The following CDKN2B-AS1 variants were observed in gnomAD, a reference collection of about 807,000 sequenced individuals.
CDKN2B-AS1 encodes the protein CDKN2B and CDKN2A antisense cis and trans regulatory RNA 1.
chr9:22,084,856 G>A (rs1024179975), intron 4 of CDKN2B-AS1, among the ~76,000 whole-genome samples: 1 of 152,118 alleles, frequency 6.6e-6, no homozygotes, highest in African/African-American at 2.4e-5. Context: ...TAAAGAAATT[G>A]CATTCTTTTC....
At chr9:22,073,224 G>T (rs1824367170) in intron 4 of CDKN2B-AS1, among the ~76,000 whole-genome samples, 1 of 152,122 alleles carries the variant, frequency 6.6e-6, no homozygotes, top group South Asian at 2.1e-4. Context: ...CTTGAAAATA[G>T]ATGGCTATTG....
intron 1 of CDKN2B-AS1, among the ~76,000 whole-genome samples, chr9:22,020,443 G>A (rs1821967765): frequency 6.6e-6 from 1 of 152,134 alleles, no homozygotes; most frequent in Non-Finnish European, 1.5e-5. Context: ...GGTCTTTGAG[G>A]AATCATCGCA....
At chr9:22,120,199 G>A (rs1356548437) in intron 4 of CDKN2B-AS1, 1 of 152,196 alleles carries the variant, frequency 6.6e-6, no homozygotes, top group Non-Finnish European at 1.5e-5. Flanking sequence ...GTTCTTCCCA[G>A]TATCTTACAG....
intron 4 of CDKN2B-AS1, among the ~76,000 whole-genome samples, chr9:22,125,852 C>A (rs1818010797): frequency 6.6e-6 from 1 of 152,044 alleles, no homozygotes; most frequent in Non-Finnish European, 1.5e-5. Flanking sequence ...TATATAACAA[C>A]TGAAAAAATA....
At chr9:22,024,703 GC>G (rs1822160232) in intron 1 of CDKN2B-AS1, among the ~76,000 whole-genome samples, 1 of 152,218 alleles carries the variant, frequency 6.6e-6, no homozygotes, top group Non-Finnish European at 1.5e-5. Context: ...TGCTAGTGGG[GC>G]AACTAAAGCA....
At chr9:22,043,249 T>G (rs1822971085) in intron 1 of CDKN2B-AS1, among the ~76,000 whole-genome samples, 1 of 152,080 alleles carries the variant, frequency 6.6e-6, no homozygotes, top group African/African-American at 2.4e-5. Flanking sequence ...ATTTGAGAGT[T>G]TTTTTCTCCA....
chr9:22,127,808 G>C (rs1227938774), exon 5 of CDKN2B-AS1, among the ~76,000 whole-genome samples: 1 of 152,202 alleles, frequency 6.6e-6, no homozygotes, highest in Non-Finnish European at 1.5e-5. Context: ...AGACTGAATT[G>C]ACTTGGCTTT....
intron 1 of CDKN2B-AS1, among the ~76,000 whole-genome samples, chr9:22,009,616 C>T (rs1821400546): frequency 1.3e-5 from 2 of 151,950 alleles, no homozygotes; most frequent in South Asian, 4.2e-4. Flanking sequence ...GATTTCTGTT[C>T]CTTCAGCCAG....
intron 1 of CDKN2B-AS1, among the ~76,000 whole-genome samples, chr9:22,019,304 G>A (rs1002467756): frequency 2.6e-5 from 4 of 152,214 alleles, no homozygotes; most frequent in Admixed American, 1.3e-4. Flanking sequence ...TTGGAGAATG[G>A]TTTAGGGGAG....
At chr9:22,067,530 A>G (rs1367701590) in intron 4 of CDKN2B-AS1, among the ~76,000 whole-genome samples, 1 of 135,838 alleles carries the variant, frequency 7.4e-6, no homozygotes, top group Non-Finnish European at 1.8e-5. Context: ...AAAAGAACAC[A>G]CACACACACG....
At chr9:22,071,155 G>A (rs1454740593) in intron 4 of CDKN2B-AS1, among the ~76,000 whole-genome samples, 3 of 149,710 alleles carry the variant, frequency 2.0e-5, no homozygotes, top group African/African-American at 4.9e-5. Flanking sequence ...GATACATCTG[G>A]CCTCTTCATT....
At chr9:22,034,054 A>G (rs995694579) in intron 1 of CDKN2B-AS1, among the ~76,000 whole-genome samples, 2 of 152,220 alleles carry the variant, frequency 1.3e-5, no homozygotes, top group African/African-American at 2.4e-5. Flanking sequence ...AAAGACATGA[A>G]GTTAATGAAT....
intron 4 of CDKN2B-AS1, among the ~76,000 whole-genome samples, chr9:22,102,250 G>T (rs1284447156): frequency 1.3e-5 from 2 of 152,004 alleles, no homozygotes; most frequent in East Asian, 1.9e-4. Flanking sequence ...GCTTTGAAAC[G>T]ATCAGTTTTA....
intron 3 of CDKN2B-AS1, among the ~76,000 whole-genome samples, chr9:22,049,556 C>G (rs10757266): frequency 6.6e-6 from 1 of 151,844 alleles, no homozygotes; most frequent in African/African-American, 2.4e-5. Flanking sequence ...AGGGACTGGC[C>G]CACACACCAG....
chr9:22,120,111 G>A (rs540683299), intron 4 of CDKN2B-AS1: 3 of 152,322 alleles, frequency 2.0e-5, no homozygotes, highest in East Asian at 1.9e-4. Context: ...GAGTTGTAAC[G>A]ATTGTATACA....
At chr9:22,055,704 C>G (rs1156270198) in intron 3 of CDKN2B-AS1, among the ~76,000 whole-genome samples, 1 of 152,156 alleles carries the variant, frequency 6.6e-6, no homozygotes, top group Non-Finnish European at 1.5e-5. Context: ...CACGTGCTGG[C>G]AGACAGAAAT....
chr9:22,010,996 C>T (rs1163888620), intron 1 of CDKN2B-AS1, among the ~76,000 whole-genome samples: 1 of 152,146 alleles, frequency 6.6e-6, no homozygotes, highest in African/African-American at 2.4e-5. Flanking sequence ...AGTAAAATGA[C>T]TGAGAATCTT....
intron 4 of CDKN2B-AS1, among the ~76,000 whole-genome samples, chr9:22,107,710 G>C (rs1825697896): frequency 6.6e-6 from 1 of 152,160 alleles, no homozygotes; most frequent in Admixed American, 6.5e-5. Flanking sequence ...TGTAGAGAAT[G>C]ACTGACTGGT....
At chr9:22,041,630 A>C (rs993767225) in intron 1 of CDKN2B-AS1, among the ~76,000 whole-genome samples, 1 of 152,094 alleles carries the variant, frequency 6.6e-6, no homozygotes. Flanking sequence ...CTACTGCTGA[A>C]AGGTGAAAAC....
Sources: allele counts gnomAD v4.1 joint callset (sites outside exome capture counted in the v4.1 genomes callset), GRCh38; gene constraint gnomAD v4.1.1; transcripts MANE v1.5; gene names NCBI Gene and HGNC (gene_info 2026-07-23, HGNC 2026-07-21).